Variants in ZCCHC7 observed in about 807,000 individuals in gnomAD.
ZCCHC7 encodes zinc finger CCHC-type containing 7, also known as zinc finger CCHC domain-containing protein 7.
ZCCHC7 carries 35 observed loss-of-function variants against 52.0 expected under a neutral mutation model. That is an observed-to-expected ratio of 0.67 (90% CI 0.51 to 0.89). ZCCHC7 has a LOEUF of 0.89. Ranked by LOEUF, ZCCHC7 falls within the 40% of genes least tolerant of loss-of-function variation. The pLI is 0.00. For missense variants in ZCCHC7, 574 were observed against 649.1 expected (o/e 0.88, Z 1.26); for synonymous variants, 217 against 221.5 (o/e 0.98, Z 0.18).
chr9:37,300,913 G>A (rs1207415065), intron 2 of ZCCHC7, among the ~76,000 whole-genome samples: 1 of 152,174 alleles, frequency 6.6e-6, no homozygotes. Context: ...ACAAGAAAAT[G>A]TGGGAGATTA....
intron 4 of ZCCHC7, among the ~76,000 whole-genome samples, chr9:37,304,890 CA>C (rs993469257): frequency 6.6e-6 from 1 of 152,146 alleles, no homozygotes. Context: ...AAGATTGAAT[CA>C]GATGATTCCT....
At chr9:37,213,556 G>A (rs1824349452) in intron 2 of ZCCHC7, among the ~76,000 whole-genome samples, 1 of 152,092 alleles carries the variant, frequency 6.6e-6, no homozygotes, top group African/African-American at 2.4e-5. Flanking sequence ...TTTATTGTTA[G>A]TAATGTCTAT....
intron 2 of ZCCHC7, among the ~76,000 whole-genome samples, chr9:37,185,481 A>G (rs1177409515): frequency 2.0e-5 from 3 of 152,234 alleles, no homozygotes; most frequent in South Asian, 4.1e-4. Flanking sequence ...TGCTGTAACA[A>G]ATTACCATAA....
intron 2 of ZCCHC7, among the ~76,000 whole-genome samples, chr9:37,142,475 A>G (rs944985591): frequency 6.6e-6 from 1 of 151,780 alleles, no homozygotes; most frequent in Non-Finnish European, 1.5e-5. Flanking sequence ...TTACCAAGAA[A>G]TAAATAGCAT....
chr9:37,357,458 A>G lies in ZCCHC7; in HGVS notation c.*190A>G, dbSNP rs1443225178. ...AATTCTCTGTGTCCAACAGGATATT[A>G]GGTAAGAAAGTACAAAGATAAACCT... On this transcript the variant is annotated 3_prime_UTR_variant, in exon 9 of 9. Transcript: ENST00000336755. 3 of 441,826 alleles carry G rather than the reference A, an allele frequency of 6.8e-6. No homozygotes were observed. Among genetic ancestry groups the G allele is most frequent in the African/African-American group, 6.1e-5 (3 of 49,514 alleles). The allele number at this position is 441,826 out of a possible 1,614,324, so 27.4% of individuals were successfully genotyped here. A position where few individuals can be genotyped will look rare whatever the true frequency, so the allele number is the denominator to read the frequency against.
At chr9:37,310,287 C>G (rs1829529740) in intron 5 of ZCCHC7, among the ~76,000 whole-genome samples, 1 of 152,198 alleles carries the variant, frequency 6.6e-6, no homozygotes. Flanking sequence ...TATAGTTTCT[C>G]TCCTCACTTG....
At chr9:37,308,446 A>G (rs980722840) in intron 5 of ZCCHC7, among the ~76,000 whole-genome samples, 7 of 152,214 alleles carry the variant, frequency 4.6e-5, no homozygotes, top group African/African-American at 1.7e-4. Flanking sequence ...AATTTTTTAA[A>G]AACAAGAAAC....
chr9:37,320,290 C>G (rs1241907773), intron 5 of ZCCHC7, among the ~76,000 whole-genome samples: 1 of 152,180 alleles, frequency 6.6e-6, no homozygotes, highest in Non-Finnish European at 1.5e-5. Flanking sequence ...GTTGGCCAGG[C>G]TGGTCTCGAA....
chr9:37,134,247 T>G (rs1451458434), intron 2 of ZCCHC7, among the ~76,000 whole-genome samples: 1 of 152,144 alleles, frequency 6.6e-6, no homozygotes, highest in Non-Finnish European at 1.5e-5. Flanking sequence ...CTTAATCTCT[T>G]CCTTTTTTTA....
At chr9:37,211,975 C>T (rs1308702699) in intron 2 of ZCCHC7, among the ~76,000 whole-genome samples, 2 of 125,550 alleles carry the variant, frequency 1.6e-5, no homozygotes, top group Admixed American at 1.1e-4. Flanking sequence ...TGCAGTGAGC[C>T]GAGATGGCGC....
chr9:37,272,693 G>A (rs868555040), intron 2 of ZCCHC7, among the ~76,000 whole-genome samples: 3 of 151,918 alleles, frequency 2.0e-5, no homozygotes, highest in Middle Eastern at 3.4e-3. Context: ...TCCCTCTCGT[G>A]TTCTTCATAC....
chr9:37,296,108 T>C (rs545986754), intron 2 of ZCCHC7, among the ~76,000 whole-genome samples: 7 of 152,284 alleles, frequency 4.6e-5, no homozygotes, highest in Non-Finnish European at 8.8e-5. Context: ...CCTAAATACA[T>C]TGATTTTGAG....
At chr9:37,290,002 C>T (rs934714589) in intron 2 of ZCCHC7, among the ~76,000 whole-genome samples, 1 of 152,160 alleles carries the variant, frequency 6.6e-6, no homozygotes, top group African/African-American at 2.4e-5. Flanking sequence ...AAATTATAAC[C>T]CGTACCCAAT....
chr9:37,323,763 C>T (rs1235799037), intron 5 of ZCCHC7, among the ~76,000 whole-genome samples: 1 of 152,022 alleles, frequency 6.6e-6, no homozygotes, highest in Non-Finnish European at 1.5e-5. Flanking sequence ...TCAAAATTTT[C>T]CTTCTAGGAG....
intron 2 of ZCCHC7, among the ~76,000 whole-genome samples, chr9:37,272,502 A>AG (rs1564216630): frequency 6.6e-6 from 1 of 150,516 alleles, no homozygotes; most frequent in African/African-American, 2.4e-5. Context: ...AAAAAAAAAA[A>AG]AAAAAAAAAA....
chr9:37,287,858 A>G (rs190246642), intron 2 of ZCCHC7, among the ~76,000 whole-genome samples: 234 of 152,064 alleles, frequency 1.5e-3, no homozygotes, highest in Non-Finnish European at 1.6e-4. Context: ...TTTTTGCTCC[A>G]TAAAAGTATT....
intron 2 of ZCCHC7, among the ~76,000 whole-genome samples, chr9:37,157,179 A>G (rs1280840286): frequency 6.9e-6 from 1 of 144,958 alleles, no homozygotes; most frequent in Admixed American, 6.9e-5. Flanking sequence ...TGTATTCTTC[A>G]CCATCACAAA....
In ZCCHC7 at chr9:37,354,548, G is replaced by C. The variant is rs1191673297; in HGVS notation, c.1084-162G>C. ...TCATAACACAGTGGGGTTTAGGGCTGGGTGACCCTCCCAACACCCCAGCAA... is the reference window on the plus strand; with the variant it reads ...TCATAACACAGTGGGGTTTAGGGCTCGGTGACCCTCCCAACACCCCAGCAA... On this transcript the variant is annotated intron_variant, in intron 7 of 8. Transcript: ENST00000336755. The surrounding 1 kb of genome is among the most constrained non-coding windows in gnomAD (Gnocchi z 4.0). 6.6e-6 allele frequency among the ~76,000 whole-genome samples: 1 copy of C among 152,168 alleles called. No homozygotes were observed. The highest frequency in any genetic ancestry group is 1.5e-5 in the Non-Finnish European group (1 of 68,026).
intron 2 of ZCCHC7, among the ~76,000 whole-genome samples, chr9:37,153,766 A>C (rs1820668760): frequency 6.6e-6 from 1 of 152,038 alleles, no homozygotes; most frequent in Non-Finnish European, 1.5e-5. Context: ...CAGACCTAGA[A>C]TCAGCTATTT....
Sources: allele counts gnomAD v4.1 joint callset (sites outside exome capture counted in the v4.1 genomes callset), GRCh38; gene constraint gnomAD v4.1.1; non-coding constraint Gnocchi (gnomAD v3.1); transcripts MANE v1.5; gene names NCBI Gene and HGNC (gene_info 2026-07-23, HGNC 2026-07-21).